Variants in ECH1 observed in about 807,000 individuals in gnomAD.
ECH1 encodes delta(3,5)-Delta(2,4)-dienoyl-CoA isomerase, mitochondrial.
Under a neutral mutation model 37.0 loss-of-function variants are expected in ECH1, and 30 were observed. The observed-to-expected ratio is 0.81, with a 90% CI of 0.61 to 1.10. ECH1 has a LOEUF of 1.10. ECH1 is among the 50% of genes least tolerant of loss of function. The pLI, the probability that ECH1 is intolerant of heterozygous loss-of-function variation, is 0.00. For missense variants in ECH1, 456 were observed against 441.6 expected (o/e 1.03, Z -0.29); for synonymous variants, 178 against 176.0 (o/e 1.01, Z -0.09).
At chr19:38,825,342 T>C (rs775740102) in intron 3 of ECH1, among the ~76,000 whole-genome samples, 1 of 152,232 alleles carries the variant, frequency 6.6e-6, no homozygotes, top group Non-Finnish European at 1.5e-5. Context: ...CCATGAATTA[T>C]TCAATGATGT....
intron 3 of ECH1, among the ~76,000 whole-genome samples, chr19:38,830,667 A>C (rs1392233818): frequency 1.1e-4 from 17 of 150,796 alleles, no homozygotes; most frequent in Middle Eastern, 3.2e-3. Context: ...AAAAAAAAAA[A>C]CACACAGATA....
At chr19:38,820,807 C>G in intron 3 of ECH1, among the ~76,000 whole-genome samples, 1 of 152,154 alleles carries the variant, frequency 6.6e-6, no homozygotes, top group Non-Finnish European at 1.5e-5. Flanking sequence ...CACAAAAAAG[C>G]CCCATTTTTC....
Position 38,816,441 on chromosome 19 carries a change from C to G in ECH1, c.659+12G>C, listed in dbSNP as rs1011453839. 17 of 1,614,144 alleles carry G rather than the reference C, an allele frequency of 1.1e-5. No individual in the cohort carries two copies. Among genetic ancestry groups the G allele is most frequent in the Non-Finnish European group, 1.4e-5 (16 of 1,180,008 alleles). ...GGTCTCCTGCCCACACCCCCACACCCCCTGCACCCACCTCTGGTTCCCGAT... is the reference window on the plus strand; with the variant it reads ...GGTCTCCTGCCCACACCCCCACACCGCCTGCACCCACCTCTGGTTCCCGAT... On this transcript the variant is annotated intron_variant, in intron 7 of 9. Transcript: ENST00000221418.
At chr19:38,819,708 G>A (rs1290420734) in intron 3 of ECH1, among the ~76,000 whole-genome samples, 1 of 152,056 alleles carries the variant, frequency 6.6e-6, no homozygotes, top group African/African-American at 2.4e-5. Context: ...CACTTTGGAA[G>A]GCAGAGGCAG....
At chr19:38,830,951 T>G in intron 3 of ECH1, 127 bp downstream of exon 3, 2 of 784,812 alleles carry the variant, frequency 2.5e-6, no homozygotes, top group Non-Finnish European at 4.0e-6. Flanking sequence ...CAAGACCCCG[T>G]CTCAAAAAAA....
At chr19:38,828,919 C>A (rs1324494118) in intron 3 of ECH1, among the ~76,000 whole-genome samples, 1 of 150,590 alleles carries the variant, frequency 6.6e-6, no homozygotes, top group African/African-American at 2.4e-5. Context: ...CCACACCTGG[C>A]CAGAAGACAA....
rs114970977 is a variant in ECH1 at position 38,829,985 on chromosome 19, G to A, written c.349+1093C>T. ...AGCCTGGCCAACATGGTAAAACTCC[G>A]TCTCTACTAGAAACACAAAAAATTA... On this transcript the variant is annotated intron_variant, in intron 3 of 9. Transcript: ENST00000221418. 3.5e-3 allele frequency among the ~76,000 whole-genome samples: 525 copies of A among 152,090 alleles called. 2 individuals carry two copies. The highest frequency in any genetic ancestry group is 0.012 in the African/African-American group (495 of 41,472).
intron 3 of ECH1, chr19:38,820,436 C>G (rs1430537038): frequency 6.6e-6 from 1 of 152,110 alleles, no homozygotes; most frequent in South Asian, 2.1e-4. Context: ...GACTCTATAG[C>G]CAGGCAGCAT....
At chr19:38,816,544 G>A (rs767984411) in intron 6 of ECH1, 21 bp from the exon 7 acceptor site, 2 of 1,613,846 alleles carry the variant, frequency 1.2e-6, no homozygotes, top group Non-Finnish European at 1.7e-6. Context: ...AATCGGGTCA[G>A]TGTTTGGTTT....
intron 3 of ECH1, chr19:38,819,008 T>TGTGTGTGTGTGTGTGTGCGCGC (rs371773394): frequency 3.1e-6 from 1 of 324,272 alleles, no homozygotes; most frequent in African/African-American, 2.4e-5. Context: ...TGTGTGTGTG[T>TGTGTGTGTGTGTGTGTGCGCGC]GCGGGCACGT....
intron 3 of ECH1, among the ~76,000 whole-genome samples, chr19:38,826,310 G>A (rs1971738008): frequency 6.6e-6 from 1 of 152,156 alleles, no homozygotes. Flanking sequence ...CAATTTGGAA[G>A]GGCAAAAAAT....
At chr19:38,826,037 T>C (rs1971734464) in intron 3 of ECH1, among the ~76,000 whole-genome samples, 1 of 152,240 alleles carries the variant, frequency 6.6e-6, no homozygotes, top group African/African-American at 2.4e-5. Flanking sequence ...CCTGGACGAC[T>C]GTCCTCAAGG....
chr19:38,820,100 G>A (rs942343158), intron 3 of ECH1: 74 of 494,956 alleles, frequency 1.5e-4, no homozygotes, highest in South Asian at 2.9e-4. Flanking sequence ...TCACTCTATC[G>A]CCCAGGCTGG....
intron 3 of ECH1, among the ~76,000 whole-genome samples, chr19:38,828,360 C>A (rs1971767485): frequency 6.6e-6 from 1 of 151,056 alleles, no homozygotes; most frequent in South Asian, 2.1e-4. Flanking sequence ...GGCTCTCCAG[C>A]AGCTGGGATT....
Position 38,815,992 on chromosome 19 carries a change from G to C in ECH1, c.747C>G (p.Asp249Glu). ...AGGCAGCATCCAGCATGACCTCTTT[G>C]TCTGGGAACACCCGGCTGCAGTGAA... is the stretch of plus-strand genomic sequence containing the variant. ...GSGLVSRVFP[D>E]KEVMLDAALA... The change falls in exon 9 of 10, where the codon GAC (aspartate) becomes GAG (glutamate). Residue 249 changes from aspartate (D) to glutamate (E), a missense_variant. Coordinates refer to ENST00000221418, the MANE Select transcript of ECH1 (RefSeq NM_001398.3). 6.2e-7 allele frequency: 1 copy of C among 1,613,460 alleles called. No individual in the cohort carries two copies. The highest frequency in any genetic ancestry group is 8.5e-7 in the Non-Finnish European group (1 of 1,180,002).
chr19:38,817,233 G>A, intron 5 of ECH1, 83 bp downstream of exon 5: 2 of 1,538,646 alleles, frequency 1.3e-6, no homozygotes, highest in South Asian at 1.2e-5. Context: ...TGACAGAGCT[G>A]AGGCTGGATG....
chr19:38,815,525 G>C lies in ECH1; in HGVS notation c.*88C>G, dbSNP rs1198365270. On this transcript the variant is annotated 3_prime_UTR_variant, in exon 10 of 10. Coordinates refer to ENST00000221418, the MANE Select transcript of ECH1 (RefSeq NM_001398.3). Reference sequence around the variant, plus strand: ...CTGGGAAACTGGGTCAGAAGGCATAGAAACAACTGTCATCGCCCATCCTCC... The same window carrying C: ...CTGGGAAACTGGGTCAGAAGGCATACAAACAACTGTCATCGCCCATCCTCC... 1.7e-5 allele frequency: 23 copies of C among 1,322,440 alleles called. No individual in the cohort carries two copies. In the Admixed American group the frequency reaches 3.3e-4, roughly 19 times the overall value. The allele number at this position is 1,322,440 out of a possible 1,614,324, so 81.9% of individuals were successfully genotyped here.
chr19:38,831,447 T>A lies in ECH1; in HGVS notation c.122A>T (p.Glu41Val). 1 of 1,613,616 alleles carries A rather than the reference T, an allele frequency of 6.2e-7. No individual in the cohort carries two copies. The highest frequency in any genetic ancestry group is 8.5e-7 in the Non-Finnish European group (1 of 1,179,874). ...LRLTGSSAQE[E>V]ASGVALGEAP... ...TTCACCGAGGGCTACTCCGGAAGCC[T>A]CCTCTTGTGCAGAGGAGCCAGTGAG... is the stretch of plus-strand genomic sequence containing the variant. Residue 41 changes from glutamate to valine, a missense_variant, in exon 2 of 10, where the codon GAG (glutamate) becomes GTG (valine). Glu to Val is a moderately radical substitution (Grantham distance 121, BLOSUM62 -2). Coordinates refer to ENST00000221418, the MANE Select transcript of ECH1 (RefSeq NM_001398.3).
At chr19:38,826,630 C>G (rs890044684) in intron 3 of ECH1, among the ~76,000 whole-genome samples, 1 of 152,198 alleles carries the variant, frequency 6.6e-6, no homozygotes, top group African/African-American at 2.4e-5. Context: ...GTTCACAGTT[C>G]TAGACCTCAA....
Sources: allele counts gnomAD v4.1 joint callset (sites outside exome capture counted in the v4.1 genomes callset), GRCh38; gene constraint gnomAD v4.1.1; transcripts MANE v1.5; gene names NCBI Gene and HGNC (gene_info 2026-07-23, HGNC 2026-07-21).